PTPRD: variants seen among roughly 807,000 people sequenced by gnomAD.
PTPRD encodes receptor-type tyrosine-protein phosphatase delta.
Under a neutral mutation model 214.5 loss-of-function variants are expected in PTPRD, and 34 were observed. That is an observed-to-expected ratio of 0.16 (90% CI 0.12 to 0.21). The LOEUF is 0.21. Among genes scored for constraint, PTPRD ranks in the 10% least tolerant of loss-of-function variants. PTPRD has a pLI of 1.00. For synonymous variants in PTPRD, 1,128 were observed against 845.7 expected (o/e 1.33, Z -5.79); for missense variants, 2,545 against 2,398.7 (o/e 1.06, Z -1.27).
At chr9:9,123,870 T>C (rs962758816) in intron 10 of PTPRD, among the ~76,000 whole-genome samples, 6 of 152,066 alleles carry the variant, frequency 3.9e-5, no homozygotes, top group Admixed American at 6.6e-5. Flanking sequence ...GTCAACCACA[T>C]TGTGTGAGTG....
At chr9:9,872,342 G>A (rs1047027791) in intron 5 of PTPRD, among the ~76,000 whole-genome samples, 1 of 152,160 alleles carries the variant, frequency 6.6e-6, no homozygotes, top group Admixed American at 6.5e-5. Context: ...ACTCATGGCT[G>A]TAATTCCAAT....
chr9:10,612,052 C>A (rs78691430), intron 2 of PTPRD, among the ~76,000 whole-genome samples: 1 of 151,754 alleles, frequency 6.6e-6, no homozygotes, highest in Non-Finnish European at 1.5e-5. Flanking sequence ...TTAGATTTTT[C>A]AAGCTTTTTC....
At position 9,216,216 on chromosome 9, in the gene PTPRD, C is replaced by G. The variant is rs527933192; in HGVS notation, c.-202-32853G>C. Among the ~76,000 whole-genome samples the G allele has an allele frequency of 1.1e-4, 16 of 152,240 alleles. No homozygotes were observed. In the South Asian group the frequency reaches 3.1e-3, roughly 30 times the overall value. On this transcript the variant is annotated intron_variant, in intron 9 of 45. Transcript: ENST00000381196. ...ATGCTTTTGTATGTACCTTGACATA[C>G]ATTTTACTCAGTACTGTACAATGCC...
At position 8,339,184 on chromosome 9, in the gene PTPRD, A is replaced by T; in HGVS notation, c.5254-137T>A. The T allele has an allele frequency of 8.1e-6, 7 of 866,678 alleles. No individual in the cohort carries two copies. In the South Asian group the frequency reaches 1.7e-4, roughly 21 times the overall value. 53.7% of individuals were successfully genotyped at this position (866,678 alleles called of 1,614,324 possible). A position where few individuals can be genotyped will look rare whatever the true frequency, so the allele number is the denominator to read the frequency against. On this transcript the variant is annotated intron_variant, in intron 42 of 45. Transcript: ENST00000381196. ...CAAAATTCAAGGCAATTCCAATTGC[A>T]TATGACTCATTTCCTCTTAGAAACC...
intron 11 of PTPRD, among the ~76,000 whole-genome samples, chr9:8,849,062 A>C (rs552077769): frequency 1.4e-4 from 21 of 152,228 alleles, no homozygotes; most frequent in Non-Finnish European, 2.6e-4. Flanking sequence ...TTCCCCATAA[A>C]GGAATTTTAA....
chr9:9,212,838 GA>G (rs371962818), intron 9 of PTPRD, among the ~76,000 whole-genome samples: 3 of 152,134 alleles, frequency 2.0e-5, no homozygotes, highest in African/African-American at 2.4e-5. Flanking sequence ...TGTGTGAGGT[GA>G]AAAAAACAAG....
chr9:8,511,531 A>G (rs761970688), intron 21 of PTPRD, among the ~76,000 whole-genome samples: 7 of 151,470 alleles, frequency 4.6e-5, no homozygotes, highest in Non-Finnish European at 7.4e-5. Flanking sequence ...CATTTCCTTC[A>G]CTGATTAACT....
At chr9:8,730,200 G>A (rs909738081) in intron 12 of PTPRD, among the ~76,000 whole-genome samples, 3 of 152,132 alleles carry the variant, frequency 2.0e-5, no homozygotes, top group Non-Finnish European at 4.4e-5. Context: ...AGCTTGCACT[G>A]AGCCGAGATC....
intron 9 of PTPRD, among the ~76,000 whole-genome samples, chr9:9,229,997 CTAAT>C (rs1374912787): frequency 1.3e-5 from 2 of 151,836 alleles, no homozygotes; most frequent in African/African-American, 4.8e-5. Context: ...TAATGAAAAT[CTAAT>C]TATTACTTAA....
chr9:10,175,451 A>G (rs1442706025), intron 3 of PTPRD, among the ~76,000 whole-genome samples: 3 of 152,042 alleles, frequency 2.0e-5, no homozygotes, highest in Admixed American at 2.0e-4. Context: ...TACATAATAT[A>G]ACATTAAATA....
Position 10,057,828 on chromosome 9 carries a change from T to C in PTPRD, c.-544-24038A>G, listed in dbSNP as rs1212513593. On this transcript the variant is annotated intron_variant, in intron 3 of 45. Transcript: ENST00000381196. The stretch of plus-strand genomic sequence containing the variant: ...CTGCCCTCCAGCCTGGGCAACAGAG[T>C]GAGACTCCGTCTCAAAAAAAAACAA... 6.3e-5 allele frequency among the ~76,000 whole-genome samples: 9 copies of C among 142,224 alleles called. No homozygotes were observed. The Admixed American group carries it at 6.6e-4, about 10-fold the overall frequency. The allele number at this position is 142,224 out of a possible 152,430, so 93.3% of individuals were successfully genotyped here.
intron 3 of PTPRD, among the ~76,000 whole-genome samples, chr9:10,074,728 T>C (rs2098102789): frequency 6.6e-6 from 1 of 152,122 alleles, no homozygotes; most frequent in Non-Finnish European, 1.5e-5. Flanking sequence ...CCTGCACATG[T>C]TGTGCATTCA....
intron 11 of PTPRD, among the ~76,000 whole-genome samples, chr9:8,756,140 C>T (rs956154): frequency 6.6e-6 from 1 of 151,952 alleles, no homozygotes; most frequent in African/African-American, 2.4e-5. Context: ...ACAAAGGAAC[C>T]GAGACAGTCA....
At chr9:8,417,244 C>T (rs1316195577) in intron 35 of PTPRD, among the ~76,000 whole-genome samples, 1 of 152,084 alleles carries the variant, frequency 6.6e-6, no homozygotes, top group Non-Finnish European at 1.5e-5. Context: ...ATAATCTTTA[C>T]TTTAATAATT....
intron 11 of PTPRD, among the ~76,000 whole-genome samples, chr9:8,779,714 C>T (rs1049236048): frequency 4.6e-5 from 7 of 151,972 alleles, no homozygotes; most frequent in South Asian, 4.1e-4. Flanking sequence ...CTCAGGCTGG[C>T]GTTCCACAAA....
intron 11 of PTPRD, among the ~76,000 whole-genome samples, chr9:8,793,183 C>T (rs373626600): frequency 6.6e-6 from 1 of 152,176 alleles, no homozygotes; most frequent in Non-Finnish European, 1.5e-5. Context: ...GCATGCCATA[C>T]AATGATGGTA....
intron 3 of PTPRD, among the ~76,000 whole-genome samples, chr9:10,112,429 C>CTGT: frequency 6.6e-6 from 1 of 150,534 alleles, no homozygotes; most frequent in South Asian, 2.1e-4. Flanking sequence ...TGACAATTAT[C>CTGT]TATTTTTTTT....
intron 11 of PTPRD, among the ~76,000 whole-genome samples, chr9:8,825,177 G>A (rs1052431250): frequency 6.6e-6 from 1 of 152,130 alleles, no homozygotes; most frequent in Non-Finnish European, 1.5e-5. Flanking sequence ...GTTAGAAAGT[G>A]ATATTTTTTA....
chr9:10,522,669 A>G (rs1296512019), intron 2 of PTPRD, among the ~76,000 whole-genome samples: 1 of 152,050 alleles, frequency 6.6e-6, no homozygotes, highest in Non-Finnish European at 1.5e-5. Context: ...CTGAACCATC[A>G]TATAATGTTT....
Sources: allele counts gnomAD v4.1 joint callset (sites outside exome capture counted in the v4.1 genomes callset), GRCh38; gene constraint gnomAD v4.1.1; transcripts MANE v1.5; gene names NCBI Gene and HGNC (gene_info 2026-07-23, HGNC 2026-07-21).